Variants in ZMAT5 observed in about 807,000 individuals in gnomAD.
ZMAT5 encodes zinc finger matrin-type 5, also known as zinc finger matrin-type protein 5.
ZMAT5 carries 23 observed loss-of-function variants against 28.0 expected under a neutral mutation model. That is an observed-to-expected ratio of 0.82 (90% CI 0.59 to 1.16). ZMAT5 has a LOEUF of 1.16. Among genes scored for constraint, ZMAT5 ranks in the 50% most tolerant of loss-of-function variants. The pLI, the probability that ZMAT5 is intolerant of heterozygous loss-of-function variation, is 0.00. For synonymous variants in ZMAT5, 76 were observed against 84.1 expected (o/e 0.90, Z 0.52); for missense variants, 173 against 212.7 (o/e 0.81, Z 1.16).
rs777207530 is a variant in ZMAT5 at position 29,748,585 on chromosome 22, A to G, written c.-27-14T>C. 6.2e-7 allele frequency: 1 copy of G among 1,612,960 alleles called. No individual in the cohort carries two copies. Among genetic ancestry groups the G allele is most frequent in the East Asian group, 2.2e-5 (1 of 44,862 alleles). ...GTGCTTTGCTGCCTGGGAAGCCACAAAGAGCTCAGATTAGACCATTGGAGA... is the reference window on the plus strand; with the variant it reads ...GTGCTTTGCTGCCTGGGAAGCCACAGAGAGCTCAGATTAGACCATTGGAGA... On this transcript the variant is annotated splice_polypyrimidine_tract_variant and intron_variant, in intron 1 of 5. Transcript: ENST00000344318.
chr22:29,743,414 T>A (rs557080844), intron 2 of ZMAT5, among the ~76,000 whole-genome samples: 2 of 152,054 alleles, frequency 1.3e-5, no homozygotes, highest in Admixed American at 1.3e-4. Context: ...AACCCTAGTT[T>A]CCTCTGATTT....
chr22:29,756,230 C>T lies in ZMAT5; in HGVS notation c.-27-7659G>A, dbSNP rs572952055. ...ACAGCCAGAGGACGGCTTTATTGCA[C>T]GCCCACTAGGAGCTCGGTAATGTCC... On this transcript the variant is annotated intron_variant, in intron 1 of 5. Coordinates refer to ENST00000344318, the MANE Select transcript of ZMAT5 (RefSeq NM_001003692.2). Among the ~76,000 whole-genome samples the T allele has an allele frequency of 1.3e-3, 193 of 152,334 alleles. 1 individual carries two copies. Among genetic ancestry groups the T allele is most frequent in the African/African-American group, 4.5e-3 (186 of 41,576 alleles).
intron 1 of ZMAT5, among the ~76,000 whole-genome samples, chr22:29,761,446 G>A (rs1322388352): frequency 6.6e-6 from 1 of 151,392 alleles, no homozygotes; most frequent in Admixed American, 6.6e-5. Flanking sequence ...CAGACATGGT[G>A]GTGCGGGCTC....
In ZMAT5 at chr22:29,748,508, A is replaced by C; in HGVS notation, c.37T>G (p.Ser13Ala). Residue 13 changes from serine (S) to alanine (A), a missense_variant, in exon 2 of 6, where the codon TCC (serine) becomes GCC (alanine). By Grantham distance (99) the Ser-to-Ala change is moderately conservative. Transcript: ENST00000344318. ...KRYFCDYCDR[S>A]FQDNLHNRKK... ...CGGTTGTGGAGGTTGTCCTGGAAGG[A>C]GCGGTCGCAGTAGTCACAGAAGTAT... 6.2e-7 allele frequency: 1 copy of C among 1,614,168 alleles called. No individual in the cohort carries two copies. The highest frequency in any genetic ancestry group is 8.5e-7 in the Non-Finnish European group (1 of 1,180,032).
chr22:29,732,871 T>C (rs1197420548), intron 5 of ZMAT5, among the ~76,000 whole-genome samples: 1 of 151,928 alleles, frequency 6.6e-6, no homozygotes, highest in Admixed American at 6.6e-5. Context: ...CCAGAGGATG[T>C]AGACCAGGGG....
At chr22:29,740,781 G>A (rs1418494532) in intron 3 of ZMAT5, 51 bp from the exon 4 acceptor site, 2 of 1,516,918 alleles carry the variant, frequency 1.3e-6, no homozygotes, top group Non-Finnish European at 1.8e-6. Context: ...CTCCCCACAG[G>A]GGCTGAGGGG....
intron 2 of ZMAT5, among the ~76,000 whole-genome samples, chr22:29,743,537 C>T (rs1052911616): frequency 2.0e-5 from 3 of 152,158 alleles, no homozygotes; most frequent in Non-Finnish European, 4.4e-5. Flanking sequence ...CTCAGGTGAT[C>T]CTTCCCCCTC....
intron 5 of ZMAT5, 190 bp from the exon 6 acceptor site, chr22:29,731,544 C>T: frequency 1.6e-6 from 1 of 639,942 alleles, no homozygotes; most frequent in Non-Finnish European, 2.5e-6. Flanking sequence ...GAACTGAGCC[C>T]AAGGAAATAG....
chr22:29,757,467 C>T (rs975309718), intron 1 of ZMAT5, among the ~76,000 whole-genome samples: 1 of 152,158 alleles, frequency 6.6e-6, no homozygotes, highest in Non-Finnish European at 1.5e-5. Context: ...ATCTGGAAGA[C>T]GAGGGTAATG....
At chr22:29,754,289 C>T (rs2147232514) in intron 1 of ZMAT5, among the ~76,000 whole-genome samples, 1 of 152,364 alleles carries the variant, frequency 6.6e-6, no homozygotes, top group Admixed American at 6.5e-5. Flanking sequence ...CTGCCAGAAA[C>T]ACAGGTGGTG....
chr22:29,753,103 G>C (rs976777534), intron 1 of ZMAT5, among the ~76,000 whole-genome samples: 2 of 152,118 alleles, frequency 1.3e-5, no homozygotes, highest in African/African-American at 4.8e-5. Context: ...GGCTGTCCGG[G>C]GACAGAGTTA....
At chr22:29,756,507 T>C (rs1601728603) in intron 1 of ZMAT5, among the ~76,000 whole-genome samples, 2 of 152,162 alleles carry the variant, frequency 1.3e-5, no homozygotes, top group East Asian at 1.9e-4. Flanking sequence ...CATCATCTTT[T>C]TCCCACAGGT....
chr22:29,748,388 G>A (rs767882647), intron 2 of ZMAT5, 30 bp downstream of exon 2: 6 of 1,614,120 alleles, frequency 3.7e-6, no homozygotes, highest in South Asian at 1.1e-5. Context: ...CAGGGCTCCA[G>A]GAGCCTGGCC....
chr22:29,761,083 G>A (rs1369189272), intron 1 of ZMAT5, among the ~76,000 whole-genome samples: 1 of 148,104 alleles, frequency 6.8e-6, no homozygotes, highest in Non-Finnish European at 1.5e-5. Context: ...GACCATCCTG[G>A]CCAACGTGGT....
chr22:29,764,309 G>A (rs911364855), intron 1 of ZMAT5, among the ~76,000 whole-genome samples: 4 of 152,154 alleles, frequency 2.6e-5, no homozygotes, highest in African/African-American at 9.7e-5. Context: ...TTCCTGCTCT[G>A]AGGGGCTCCC....
chr22:29,741,121 G>A (rs2147221061), intron 3 of ZMAT5, among the ~76,000 whole-genome samples: 1 of 152,322 alleles, frequency 6.6e-6, no homozygotes, highest in South Asian at 2.1e-4. Flanking sequence ...CGCAGCACGT[G>A]CTATGCCCAG....
intron 5 of ZMAT5, among the ~76,000 whole-genome samples, chr22:29,732,012 G>A (rs1013138363): frequency 5.9e-5 from 9 of 151,970 alleles, no homozygotes; most frequent in Non-Finnish European, 8.8e-5. Context: ...CGTCCACCCC[G>A]AGCCACCTCC....
intron 4 of ZMAT5, 120 bp from the exon 5 acceptor site, chr22:29,738,561 C>T: frequency 1.2e-6 from 1 of 808,146 alleles, no homozygotes; most frequent in Non-Finnish European, 2.0e-6. Flanking sequence ...TTGCAGCAAC[C>T]TTCCAGGAGG....
chr22:29,737,681 C>T (rs901094910), intron 5 of ZMAT5, among the ~76,000 whole-genome samples: 1 of 152,170 alleles, frequency 6.6e-6, no homozygotes, highest in Non-Finnish European at 1.5e-5. Context: ...CGGTTTTGGC[C>T]GCCAGCCTTT....
Sources: allele counts gnomAD v4.1 joint callset (sites outside exome capture counted in the v4.1 genomes callset), GRCh38; gene constraint gnomAD v4.1.1; transcripts MANE v1.5; gene names NCBI Gene and HGNC (gene_info 2026-07-23, HGNC 2026-07-21).